HSPA12A: variants seen among roughly 807,000 people sequenced by gnomAD.
HSPA12A encodes the protein heat shock 70 kDa protein 12A.
Under a neutral mutation model 69.2 loss-of-function variants are expected in HSPA12A, and 28 were observed. That is an observed-to-expected ratio of 0.40 (90% confidence interval 0.30 to 0.55). The LOEUF is 0.55. Ranked by LOEUF, HSPA12A falls within the 20% of genes least tolerant of loss-of-function variation. The pLI is 0.38. For missense variants in HSPA12A, 686 were observed against 900.7 expected, an observed-to-expected ratio of 0.76 and a Z score of 3.05; for synonymous variants, 345 against 370.5, an observed-to-expected ratio of 0.93 and a Z score of 0.79.
At chr10:116,680,863 A>G (rs1849381646) in intron 9 of HSPA12A, among the ~76,000 whole-genome samples, 3 of 152,212 alleles carry the variant, frequency 2.0e-5, no homozygotes, top group Non-Finnish European at 4.4e-5. Context: ...GGGCAACATC[A>G]AGTTGCAATC....
chr10:116,741,928 G>T (rs546687723), intron 1 of HSPA12A, among the ~76,000 whole-genome samples: 84 of 152,300 alleles, frequency 5.5e-4, no homozygotes, highest in African/African-American at 2.0e-3. Flanking sequence ...GCCGGGGTGG[G>T]ATGGGGCGAG....
At chr10:116,733,770 G>A (rs1050019659) in intron 1 of HSPA12A, among the ~76,000 whole-genome samples, 10 of 152,016 alleles carry the variant, frequency 6.6e-5, no homozygotes, top group South Asian at 4.2e-4. Context: ...ACCCCATATC[G>A]GAGCAAATAT....
chr10:116,717,273 C>A (rs1186148478), intron 1 of HSPA12A, among the ~76,000 whole-genome samples: 20 of 152,194 alleles, frequency 1.3e-4, no homozygotes, highest in Non-Finnish European at 1.5e-5. Context: ...GTTCCCAGTG[C>A]CACTAAGGCA....
At position 116,753,691 on chromosome 10, in the gene HSPA12A, G is replaced by A. The variant is rs529326630; in HGVS notation, c.92-46406C>T. Among the ~76,000 whole-genome samples the A allele has an allele frequency of 6.6e-5, 10 of 152,238 alleles. 1 individual carries two copies. Among genetic ancestry groups the A allele is most frequent in the African/African-American group, 1.9e-4 (8 of 41,526 alleles). ...GAGCACAAATTCCATGATCCTGTAG[G>A]GCAAACCCCTGCAAAGAGTCTGAAA... On this transcript the variant is annotated intron_variant, in intron 2 of 12. Transcript: ENST00000635765.
intron 1 of HSPA12A, among the ~76,000 whole-genome samples, chr10:116,740,751 G>A (rs909090758): frequency 1.3e-5 from 2 of 151,364 alleles, no homozygotes; most frequent in African/African-American, 4.9e-5. Flanking sequence ...AGACAAAACA[G>A]TGTTGGGAAA....
chr10:116,705,466 G>A (rs1203869396), intron 2 of HSPA12A, among the ~76,000 whole-genome samples, 188 bp from the exon 3 acceptor site: 5 of 152,358 alleles, frequency 3.3e-5, no homozygotes, highest in Non-Finnish European at 5.9e-5. Flanking sequence ...GAATGGCTCA[G>A]GGAGAAATGG....
intron 1 of HSPA12A, among the ~76,000 whole-genome samples, chr10:116,731,170 GT>G (rs1333517781): frequency 8.5e-5 from 13 of 152,360 alleles, no homozygotes; most frequent in African/African-American, 3.1e-4. Context: ...GACCATGTTG[GT>G]TGCCCATCTT....
At chr10:116,793,680 G>T (rs1844751197) in intron 2 of HSPA12A, among the ~76,000 whole-genome samples, 1 of 152,052 alleles carries the variant, frequency 6.6e-6, no homozygotes, top group South Asian at 2.1e-4. Context: ...TGAGATCCTT[G>T]TACTATATAG....
Position 116,701,042 on chromosome 10 carries a change from G to A in HSPA12A, c.342C>T (p.Phe114=), listed in dbSNP as rs374384405. ...GGTAAAAGTCCCTGGCGGCATACCC[G>A]AAGCTGTGGAACTTCCTCTCGGGAG... The part of the protein sequence containing the change: ...LLTPERKFHS[F]GYAARDFYHD... Residue 114 remains phenylalanine (F), a synonymous_variant, in exon 4 of 12, where the codon TTC becomes TTT. Coordinates refer to ENST00000369209, the MANE Select transcript of HSPA12A (RefSeq NM_025015.3). The A allele has an allele frequency of 3.2e-5, 51 of 1,614,010 alleles. No individual in the cohort carries two copies. In the African/African-American group the frequency reaches 4.5e-4, roughly 14 times the overall value.
Position 116,671,231 on chromosome 10 carries a change from CAA to C in HSPA12A, c.*3548_*3549del, listed in dbSNP as rs1431890477. The C allele has an allele frequency of 1.3e-5, 2 of 152,170 alleles. No individual in the cohort carries two copies. The highest frequency in any genetic ancestry group is 2.9e-5 in the Non-Finnish European group (2 of 68,038). 9.4% of individuals were successfully genotyped at this position (152,170 alleles called of 1,614,324 possible). On this transcript the variant is annotated 3_prime_UTR_variant, in exon 12 of 12. Transcript: ENST00000369209. ...TTGCTTTATTAGGCGTCTGTGAAGA[CAA>C]GAGAGTTTGCAGACACAGTCCCGTC...
intron 1 of HSPA12A, among the ~76,000 whole-genome samples, chr10:116,840,944 G>C (rs1045135119): frequency 6.6e-6 from 1 of 152,140 alleles, no homozygotes; most frequent in African/African-American, 2.4e-5. Flanking sequence ...AGCTCCCTCA[G>C]GGCACTTTGG....
intron 6 of HSPA12A, among the ~76,000 whole-genome samples, chr10:116,690,881 G>T (rs1238874409): frequency 6.6e-6 from 1 of 152,028 alleles, no homozygotes; most frequent in Non-Finnish European, 1.5e-5. Context: ...CTGTGGGGCT[G>T]GGAAAAGAGT....
chr10:116,827,816 G>T (rs904448638), intron 2 of HSPA12A, among the ~76,000 whole-genome samples: 1 of 152,198 alleles, frequency 6.6e-6, no homozygotes, highest in Admixed American at 6.5e-5. Context: ...CAGATTCCTG[G>T]ATAGCCCCAC....
intron 2 of HSPA12A, among the ~76,000 whole-genome samples, chr10:116,750,975 G>A (rs1554888292): frequency 6.6e-6 from 1 of 151,692 alleles, no homozygotes; most frequent in Admixed American, 6.6e-5. Context: ...GAAGAAAGAG[G>A]AAGGAAGAAG....
intron 2 of HSPA12A, among the ~76,000 whole-genome samples, chr10:116,822,125 T>G (rs913027770): frequency 1.3e-5 from 2 of 152,234 alleles, no homozygotes; most frequent in African/African-American, 4.8e-5. Flanking sequence ...TCTGAGGACA[T>G]GGGATGTGGA....
chr10:116,803,004 C>A (rs1452989604), intron 2 of HSPA12A, among the ~76,000 whole-genome samples: 1 of 152,208 alleles, frequency 6.6e-6, no homozygotes, highest in Non-Finnish European at 1.5e-5. Flanking sequence ...CTGGCAACGA[C>A]CACAGAACAG....
intron 2 of HSPA12A, among the ~76,000 whole-genome samples, chr10:116,815,357 G>C (rs1432135082): frequency 6.6e-6 from 1 of 151,800 alleles, no homozygotes; most frequent in Non-Finnish European, 1.5e-5. Flanking sequence ...CTTGAGGCCA[G>C]GAGTTTGAGA....
intron 1 of HSPA12A, among the ~76,000 whole-genome samples, chr10:116,740,929 AT>A (rs1475067497): frequency 0.014 from 2,028 of 149,068 alleles, 66 homozygotes; most frequent in African/African-American, 0.048. Context: ...CGTCCTAAAA[AT>A]TTTTTTATTT....
intron 6 of HSPA12A, among the ~76,000 whole-genome samples, chr10:116,691,897 C>G (rs1211931425): frequency 6.6e-6 from 1 of 152,252 alleles, no homozygotes; most frequent in Non-Finnish European, 1.5e-5. Flanking sequence ...GGCAGACATG[C>G]AGTTTTCAGC....
Sources: gnomAD v4.1 joint callset for allele counts (sites outside exome capture counted in the v4.1 genomes callset) on GRCh38, gnomAD v4.1.1 for gene constraint, MANE v1.5 for transcripts, NCBI Gene and HGNC (gene_info 2026-07-23, HGNC 2026-07-21) for gene names.